MSRB3: variants seen among roughly 807,000 people sequenced by gnomAD.
The protein encoded by MSRB3 is methionine-R-sulfoxide reductase B3.
Under a neutral mutation model 21.0 loss-of-function variants are expected in MSRB3, and 13 were observed. The ratio of observed to expected loss-of-function variants is 0.62; its 90% confidence interval spans 0.40 to 0.98. The LOEUF is 0.98. Ranked by LOEUF, MSRB3 falls within the 50% of genes least tolerant of loss-of-function variation. MSRB3 has a pLI of 0.00. For missense variants in MSRB3, 199 were observed against 230.3 expected (o/e 0.86, Z 0.88); for synonymous variants, 87 against 88.6 (o/e 0.98, Z 0.10).
chr12:65,319,266 C>G (rs1301683010), intron 2 of MSRB3, among the ~76,000 whole-genome samples: 2 of 152,008 alleles, frequency 1.3e-5, no homozygotes, highest in African/African-American at 4.8e-5. Flanking sequence ...GTTAAATTAG[C>G]TGCTACTCTT....
chr12:65,456,962 G>A (rs377035602), intron 6 of MSRB3, among the ~76,000 whole-genome samples: 4 of 151,934 alleles, frequency 2.6e-5, no homozygotes, highest in African/African-American at 7.2e-5. Flanking sequence ...TTCCATTCAC[G>A]TTTATTTTCC....
At chr12:65,452,643 C>G (rs1170154758) in intron 5 of MSRB3, among the ~76,000 whole-genome samples, 8 of 152,116 alleles carry the variant, frequency 5.3e-5, no homozygotes, top group Non-Finnish European at 1.2e-4. Context: ...ACTATCAATA[C>G]TATACTCTTG....
intron 4 of MSRB3, among the ~76,000 whole-genome samples, chr12:65,350,169 C>A (rs1243311171): frequency 2.0e-5 from 3 of 151,592 alleles, no homozygotes; most frequent in Non-Finnish European, 4.4e-5. Context: ...AATAGGGAAT[C>A]CTTTCCCCAT....
chr12:65,362,114 A>G (rs1304438418), intron 4 of MSRB3, among the ~76,000 whole-genome samples: 2 of 152,184 alleles, frequency 1.3e-5, no homozygotes, highest in Non-Finnish European at 2.9e-5. Flanking sequence ...TATCTAATTC[A>G]GTGAGGACTC....
At chr12:65,337,801 T>C (rs1218358399) in intron 4 of MSRB3, among the ~76,000 whole-genome samples, 1 of 152,248 alleles carries the variant, frequency 6.6e-6, no homozygotes, top group Non-Finnish European at 1.5e-5. Context: ...TCATCCAAAA[T>C]ATTTCTGGTT....
At chr12:65,377,094 A>G (rs546488423) in intron 5 of MSRB3, among the ~76,000 whole-genome samples, 1 of 152,280 alleles carries the variant, frequency 6.6e-6, no homozygotes, top group South Asian at 2.1e-4. Flanking sequence ...AAACATTACT[A>G]TATCAATTAA....
chr12:65,288,538 A>G (rs1336542384), intron 1 of MSRB3, among the ~76,000 whole-genome samples: 1 of 152,220 alleles, frequency 6.6e-6, no homozygotes, highest in Non-Finnish European at 1.5e-5. Context: ...AGCTACTGGC[A>G]AAGTTACATA....
chr12:65,371,148 A>G (rs982007389), intron 5 of MSRB3, among the ~76,000 whole-genome samples: 2 of 152,092 alleles, frequency 1.3e-5, no homozygotes, highest in African/African-American at 4.8e-5. Context: ...TAACATGGTG[A>G]AACCCCATCT....
chr12:65,396,749 A>AAAGAAAGG (rs1565872372), intron 5 of MSRB3, among the ~76,000 whole-genome samples: 3 of 149,656 alleles, frequency 2.0e-5, no homozygotes, highest in African/African-American at 7.4e-5. Flanking sequence ...AGAAAGAAAG[A>AAAGAAAGG]AAGAAAACCC....
Position 65,461,994 on chromosome 12 carries a change from T to A in MSRB3, c.391-1161T>A, listed in dbSNP as rs116921006. Among the ~76,000 whole-genome samples, 9 of 152,298 alleles carry A rather than the reference T, an allele frequency of 5.9e-5. No homozygotes were observed. The East Asian group carries it at 1.4e-3, about 23-fold the overall frequency. Reference sequence around the variant, plus strand: ...GCTTTCTACCTTCCATGCTTTATAGTTCACTTGTTTTCTTGTGTACTGTCT... The same window carrying A: ...GCTTTCTACCTTCCATGCTTTATAGATCACTTGTTTTCTTGTGTACTGTCT... On this transcript the variant is annotated intron_variant, in intron 6 of 6. Transcript: ENST00000308259.
chr12:65,454,712 T>C (rs1029441268), intron 6 of MSRB3, among the ~76,000 whole-genome samples: 1 of 152,232 alleles, frequency 6.6e-6, no homozygotes, highest in African/African-American at 2.4e-5. Context: ...TCATTTCCAA[T>C]AATTTCCTAA....
intron 4 of MSRB3, among the ~76,000 whole-genome samples, chr12:65,329,156 C>G (rs1393741215): frequency 6.6e-6 from 1 of 152,106 alleles, no homozygotes; most frequent in African/African-American, 2.4e-5. Flanking sequence ...CAACAGTTTA[C>G]CATAAAACAG....
intron 1 of MSRB3, among the ~76,000 whole-genome samples, chr12:65,293,291 A>G (rs941737360): frequency 2.0e-5 from 3 of 151,856 alleles, no homozygotes; most frequent in Non-Finnish European, 2.9e-5. Flanking sequence ...TCCATTTTCC[A>G]CCTTTTAGTC....
intron 5 of MSRB3, among the ~76,000 whole-genome samples, chr12:65,382,965 A>G (rs952182158): frequency 6.6e-6 from 1 of 151,938 alleles, no homozygotes; most frequent in African/African-American, 2.4e-5. Flanking sequence ...ATGAAATATG[A>G]TTTTTTTCCA....
chr12:65,418,885 A>G (rs1565882875), intron 5 of MSRB3: 3 of 741,538 alleles, frequency 4.0e-6, no homozygotes, highest in Non-Finnish European at 4.8e-6. Context: ...ATACATGGCA[A>G]TCTCAGCCTC....
intron 4 of MSRB3, among the ~76,000 whole-genome samples, chr12:65,350,411 C>G (rs531563735): frequency 2.0e-3 from 297 of 151,482 alleles, no homozygotes; most frequent in Middle Eastern, 0.01. Context: ...AACTAACGAG[C>G]AAAATCACCA....
intron 5 of MSRB3, among the ~76,000 whole-genome samples, chr12:65,397,735 T>A (rs765070088): frequency 6.6e-6 from 1 of 152,306 alleles, no homozygotes; most frequent in South Asian, 2.1e-4. Context: ...ATTAGGTATT[T>A]CTCCTGATGC....
intron 5 of MSRB3, among the ~76,000 whole-genome samples, chr12:65,438,642 A>G (rs1267552338): frequency 6.6e-6 from 1 of 151,940 alleles, no homozygotes; most frequent in African/African-American, 2.4e-5. Flanking sequence ...TAACATCTAC[A>G]GGAGAGGAAG....
At chr12:65,321,706 G>T (rs12309794) in intron 2 of MSRB3, among the ~76,000 whole-genome samples, 1,814 of 152,134 alleles carry the variant, frequency 0.012, 36 homozygotes, top group African/African-American at 0.042. Context: ...CTAAAAAATG[G>T]TCTAAATTTG....
Sources: gnomAD v4.1 joint callset for allele counts (sites outside exome capture counted in the v4.1 genomes callset) on GRCh38, gnomAD v4.1.1 for gene constraint, MANE v1.5 for transcripts, NCBI Gene and HGNC (gene_info 2026-07-23, HGNC 2026-07-21) for gene names.